Variants in SPTB observed in about 807,000 individuals in gnomAD.
SPTB encodes the protein spectrin beta, erythrocytic.
In SPTB, 45 loss-of-function variants were observed where a neutral mutation model predicts 256.2. That is an observed-to-expected ratio of 0.18 (90% CI 0.14 to 0.23). The LOEUF is 0.23. SPTB is among the 10% of genes least tolerant of loss of function. The pLI is 1.00. For synonymous variants in SPTB, 1,231 were observed against 1,243.1 expected (o/e 0.99, Z 0.21); for missense variants, 2,715 against 3,040.4 (o/e 0.89, Z 2.52).
In SPTB at chr14:64,751,161, T is replaced by C. The variant is rs1010866702; in HGVS notation, c.6603-1007A>G. Among the ~76,000 whole-genome samples, 7 of 150,232 alleles carry C rather than the reference T, an allele frequency of 4.7e-5. No homozygotes were observed. In the East Asian group the frequency reaches 9.7e-4, roughly 21 times the overall value. On this transcript the variant is annotated intron_variant, in intron 33 of 35. Transcript: ENST00000644917. ...TATTTTTAGACAGAGCCTCTGTCACTCAGGCTAGAATGCAGTGGTGCAGTC... is the reference window on the plus strand; with the variant it reads ...TATTTTTAGACAGAGCCTCTGTCACCCAGGCTAGAATGCAGTGGTGCAGTC...
rs767230972 is a variant in SPTB at position 64,769,039 on chromosome 14, C to G, written c.6017G>C (p.Arg2006Pro). 1.2e-6 allele frequency: 2 copies of G among 1,612,652 alleles called. No individual in the cohort carries two copies. The highest frequency in any genetic ancestry group is 2.2e-5 in the East Asian group (1 of 44,872). ...GGCTCCAGGGCTGTACTCACACATGCGGAGCCGCTCCCAGCGGGCTTCCCA... is the reference window on the plus strand; with the variant it reads ...GGCTCCAGGGCTGTACTCACACATGGGGAGCCGCTCCCAGCGGGCTTCCCA... Reference protein sequence around the residue: ...EKWEARWERLRMLLEVCQFSR... With the variant: ...EKWEARWERLPMLLEVCQFSR... The change falls in exon 29 of 36, where the codon CGC becomes CCC. Residue 2006 changes from arginine (R) to proline (P), a missense_variant. Physicochemically the swap from Arg to Pro is moderately radical, Grantham distance 103. This residue lies in a region of SPTB where 2,239 missense variants were observed against 2,384.4 expected (regional missense o/e 0.94). Transcript: ENST00000644917.
chr14:64,864,376 G>A (rs1336182084), intron 1 of SPTB, among the ~76,000 whole-genome samples: 1 of 152,150 alleles, frequency 6.6e-6, no homozygotes, highest in East Asian at 1.9e-4. Flanking sequence ...TTGAGCCCAG[G>A]AGTTCAGGGA....
chr14:64,842,237 C>G (rs1278144666), intron 1 of SPTB, among the ~76,000 whole-genome samples: 1 of 152,208 alleles, frequency 6.6e-6, no homozygotes, highest in African/African-American at 2.4e-5. Context: ...AGTCTGCAAG[C>G]AACTCTAAAA....
Position 64,792,328 on chromosome 14 carries a change from C to T in SPTB, c.2667-472G>A, listed in dbSNP as rs1368012837. On this transcript the variant is annotated intron_variant, in intron 14 of 35. Coordinates refer to ENST00000644917, the MANE Select transcript of SPTB (RefSeq NM_001355436.2). The surrounding 1 kb of genome is among the most constrained non-coding windows in gnomAD (Gnocchi z 4.2). Reference sequence around the variant, plus strand: ...GTAAGATAAGGAAAAGCTGCTGGGGCGGTGGTCGGGGGGAATTTGTGGTTC... The same window carrying T: ...GTAAGATAAGGAAAAGCTGCTGGGGTGGTGGTCGGGGGGAATTTGTGGTTC... Among the ~76,000 whole-genome samples, 6 of 152,208 alleles carry T rather than the reference C, an allele frequency of 3.9e-5. No individual in the cohort carries two copies. The highest frequency in any genetic ancestry group is 1.9e-4 in the East Asian group (1 of 5,180).
Position 64,802,292 on chromosome 14 carries a change from T to C in SPTB, c.500A>G (p.Gln167Arg). The C allele has an allele frequency of 6.2e-7, 1 of 1,614,216 alleles. No individual in the cohort carries two copies. Among genetic ancestry groups the C allele is most frequent in the Non-Finnish European group, 8.5e-7 (1 of 1,180,036 alleles). ...GGCTGAGCGTGTTTCACGACCTTCC[T>C]GAGTTTGGACCACAATGTCCTGAAT... The part of the protein sequence containing the change: ...FQIQDIVVQT[Q>R]EGRETRSAKD... Residue 167 changes from glutamine (Q) to arginine (R), a missense_variant, in exon 5 of 36, where the codon CAG becomes CGG. Around this residue, in one of 4 missense-constraint regions of SPTB, gnomAD observed 416 missense variants for 571.1 expected, o/e 0.73. Coordinates refer to ENST00000644917, the MANE Select transcript of SPTB (RefSeq NM_001355436.2). This position sits in a 1 kb window ranked among gnomAD's most constrained non-coding sequence, Gnocchi z 5.1.
intron 1 of SPTB, among the ~76,000 whole-genome samples, chr14:64,865,859 A>C (rs1296095721): frequency 1.3e-5 from 2 of 152,092 alleles, no homozygotes; most frequent in Non-Finnish European, 2.9e-5. Context: ...AAACACCTTC[A>C]TTCCTCCCAT....
intron 2 of SPTB, among the ~76,000 whole-genome samples, chr14:64,808,879 A>AG (rs1237163340): frequency 6.6e-6 from 1 of 151,936 alleles, no homozygotes; most frequent in African/African-American, 2.4e-5. Context: ...GGAGTGGTTG[A>AG]GGGGGCACCT....
Position 64,792,460 on chromosome 14 carries a change from A to T in SPTB, c.2666+537T>A, listed in dbSNP as rs185286398. On this transcript the variant is annotated intron_variant, in intron 14 of 35. Transcript: ENST00000644917. The surrounding 1 kb of genome is among the most constrained non-coding windows in gnomAD (Gnocchi z 4.2). ...GCCTCTCCTTCTCCTGACTGCCTGA[A>T]TTCTGTGCTTCAGCTGCTGAGATGC... Among the ~76,000 whole-genome samples, 304 of 152,282 alleles carry T rather than the reference A, an allele frequency of 2.0e-3. No homozygotes were observed. In the Middle Eastern group the frequency reaches 0.041, roughly 20 times the overall value.
Position 64,767,870 on chromosome 14 carries a change from G to A in SPTB, c.6023-11C>T, listed in dbSNP as rs2082214788. 6.2e-7 allele frequency: 1 copy of A among 1,613,156 alleles called. No individual in the cohort carries two copies. Among genetic ancestry groups the A allele is most frequent in the African/African-American group, 1.3e-5 (1 of 74,864 alleles). On this transcript the variant is annotated splice_polypyrimidine_tract_variant and intron_variant, in intron 29 of 35. Transcript: ENST00000644917. Reference sequence around the variant, plus strand: ...GGCACACCTCCAGCACTGCCAGGGGGAACAGGACACAGACCCCCCACAAGG... The same window carrying A: ...GGCACACCTCCAGCACTGCCAGGGGAAACAGGACACAGACCCCCCACAAGG...
chr14:64,817,885 G>C (rs374947), intron 2 of SPTB, among the ~76,000 whole-genome samples: 1 of 152,160 alleles, frequency 6.6e-6, no homozygotes, highest in Non-Finnish European at 1.5e-5. Flanking sequence ...ACTTAACCTC[G>C]GGACCTGCAT....
At chr14:64,813,776 T>C (rs1451986403) in intron 2 of SPTB, among the ~76,000 whole-genome samples, 4 of 152,200 alleles carry the variant, frequency 2.6e-5, no homozygotes, top group Non-Finnish European at 5.9e-5. Context: ...TCCACCTGCC[T>C]TGGCCTCCAA....
intron 1 of SPTB, among the ~76,000 whole-genome samples, chr14:64,860,609 G>T (rs2083952015): frequency 6.6e-6 from 1 of 152,118 alleles, no homozygotes; most frequent in Non-Finnish European, 1.5e-5. Context: ...AAGAAAAAAG[G>T]ATCGAGCCTG....
chr14:64,795,244 G>T lies in SPTB; in HGVS notation c.1644+93C>A. 7.0e-7 allele frequency: 1 copy of T among 1,420,966 alleles called. No homozygotes were observed. Among genetic ancestry groups the T allele is most frequent in the Non-Finnish European group, 9.7e-7 (1 of 1,034,578 alleles). The allele number at this position is 1,420,966 out of a possible 1,614,324, so 88.0% of individuals were successfully genotyped here. Reference sequence around the variant, plus strand: ...TTTGACTCAGAGATATGACTGGCTGGGAGGTGTCTAAGGAAGCCTATGCTA... The same window carrying T: ...TTTGACTCAGAGATATGACTGGCTGTGAGGTGTCTAAGGAAGCCTATGCTA... On this transcript the variant is annotated intron_variant, in intron 12 of 35. Transcript: ENST00000644917. The surrounding 1 kb of genome is among the most constrained non-coding windows in gnomAD (Gnocchi z 6.5).
In SPTB at chr14:64,772,852, C is replaced by T. The variant is rs1264873239; in HGVS notation, c.5281G>A (p.Gly1761Ser). The T allele has an allele frequency of 1.2e-6, 2 of 1,613,254 alleles. No homozygotes were observed. The highest frequency in any genetic ancestry group is 1.7e-6 in the Non-Finnish European group (2 of 1,179,652). ...NAFIERLIDA[G>S]HSEAATIAEW... The stretch of plus-strand genomic sequence containing the variant: ...GCGATGGTGGCCGCCTCGCTGTGGC[C>T]CGCGTCGATGAGTCGCTCGATGAAG... The change falls in exon 26 of 36, where the codon GGC (glycine) becomes AGC (serine). Residue 1761 changes from glycine to serine, a missense_variant. Gly to Ser is a moderately conservative substitution (Grantham distance 56). Around this residue, in one of 4 missense-constraint regions of SPTB, gnomAD observed 2,239 missense variants for 2,384.4 expected, o/e 0.94. Transcript: ENST00000644917. The surrounding 1 kb of genome is among the most constrained non-coding windows in gnomAD (Gnocchi z 5.4).
intron 2 of SPTB, among the ~76,000 whole-genome samples, chr14:64,818,790 G>A (rs948767715): frequency 1.2e-4 from 18 of 152,164 alleles, no homozygotes; most frequent in African/African-American, 4.1e-4. Flanking sequence ...AGGAGATGGG[G>A]GGAGCCTTTC....
At chr14:64,788,601 G>A (rs757494071) in intron 15 of SPTB, among the ~76,000 whole-genome samples, 6 of 152,198 alleles carry the variant, frequency 3.9e-5, no homozygotes, top group East Asian at 1.9e-4. Flanking sequence ...CCCTGGAATC[G>A]ACAGGGAAGT....
intron 10 of SPTB, among the ~76,000 whole-genome samples, chr14:64,797,467 CAAAAAAAAAAAAAAAAAAAAA>C (rs57385615): frequency 1.6e-4 from 5 of 31,010 alleles, no homozygotes; most frequent in South Asian, 2.3e-3. Flanking sequence ...ACCCTGTCTC[CAAAAAAAAAAAAAAAAAAAAA>C]AAAAAAAAAA....
intron 2 of SPTB, among the ~76,000 whole-genome samples, chr14:64,809,282 A>C (rs1018042263): frequency 1.4e-5 from 2 of 145,244 alleles, no homozygotes; most frequent in African/African-American, 5.1e-5. Context: ...AAAAAAAAAA[A>C]AGGCCAAAGC....
At chr14:64,871,397 G>T (rs1882523198) in intron 1 of SPTB, among the ~76,000 whole-genome samples, 1 of 152,202 alleles carries the variant, frequency 6.6e-6, no homozygotes, top group Non-Finnish European at 1.5e-5. Context: ...GAATAGAATG[G>T]CTCCTTAAAA....
Sources: gnomAD v4.1 joint callset for allele counts (sites outside exome capture counted in the v4.1 genomes callset) on GRCh38, gnomAD v4.1.1 for gene constraint, gnomAD v4.1.1 regional missense constraint, Gnocchi (gnomAD v3.1) non-coding constraint, MANE v1.5 for transcripts, NCBI Gene and HGNC (gene_info 2026-07-23, HGNC 2026-07-21) for gene names.